The following SYNDIG1 variants were observed in gnomAD, a reference collection of about 807,000 sequenced individuals.
The protein encoded by SYNDIG1 is synapse differentiation-inducing gene protein 1.
Under a neutral mutation model 19.4 loss-of-function variants are expected in SYNDIG1, and 9 were observed. That is an observed-to-expected ratio of 0.46 (90% CI 0.28 to 0.81). The LOEUF (loss-of-function observed/expected upper bound fraction) is 0.81, where lower values mean the gene tolerates loss of function less well. SYNDIG1 is among the 30% of genes least tolerant of loss of function. The probability of loss-of-function intolerance (pLI) is 0.12; values close to 1 mark genes in which losing one functional copy is unlikely to be tolerated. For missense variants in SYNDIG1, 311 were observed against 343.3 expected (o/e 0.91, Z 0.74); for synonymous variants, 141 against 145.9 (o/e 0.97, Z 0.24).
chr20:24,486,886 T>A (rs190185243), intron 1 of SYNDIG1, among the ~76,000 whole-genome samples: 126 of 152,208 alleles, frequency 8.3e-4, no homozygotes, highest in Non-Finnish European at 1.5e-3. Context: ...CTCGATCTCC[T>A]GACCTCGTGA....
chr20:24,593,471 C>A (rs1447755687), intron 3 of SYNDIG1, among the ~76,000 whole-genome samples: 1 of 124,024 alleles, frequency 8.1e-6, no homozygotes, highest in East Asian at 2.1e-4. Flanking sequence ...TGGTTCCATG[C>A]TATTGGGAAT....
At chr20:24,534,263 G>A (rs1002128014) in intron 1 of SYNDIG1, among the ~76,000 whole-genome samples, 6 of 152,086 alleles carry the variant, frequency 3.9e-5, no homozygotes, top group African/African-American at 1.2e-4. Flanking sequence ...TCCCTAATCC[G>A]AGGGCCTAAG....
chr20:24,623,908 TATTA>T (rs2059078370), intron 3 of SYNDIG1, among the ~76,000 whole-genome samples: 1 of 152,168 alleles, frequency 6.6e-6, no homozygotes, highest in Non-Finnish European at 1.5e-5. Flanking sequence ...AATCTGACTG[TATTA>T]ATTATCAGTT....
chr20:24,643,936 A>G (rs1247581827), intron 3 of SYNDIG1, among the ~76,000 whole-genome samples: 1 of 152,266 alleles, frequency 6.6e-6, no homozygotes, highest in Non-Finnish European at 1.5e-5. Context: ...ATAGAAAAAC[A>G]GACACATCAT....
At chr20:24,638,004 A>G (rs2059333053) in intron 3 of SYNDIG1, among the ~76,000 whole-genome samples, 2 of 152,262 alleles carry the variant, frequency 1.3e-5, no homozygotes, top group South Asian at 2.1e-4. Flanking sequence ...CCAAGCTGGG[A>G]CTAACATCCA....
intron 2 of SYNDIG1, among the ~76,000 whole-genome samples, chr20:24,543,922 CCTG>C (rs935449932): frequency 6.6e-5 from 10 of 152,132 alleles, no homozygotes; most frequent in African/African-American, 2.2e-4. Context: ...GAGAGGGACA[CCTG>C]ATCCTAGAGC....
intron 1 of SYNDIG1, among the ~76,000 whole-genome samples, chr20:24,511,102 C>A (rs551956918): frequency 6.6e-6 from 1 of 152,188 alleles, no homozygotes; most frequent in African/African-American, 2.4e-5. Context: ...TTAAAAGAGA[C>A]TTACTTTATC....
intron 2 of SYNDIG1, among the ~76,000 whole-genome samples, chr20:24,572,328 C>T (rs2058157015): frequency 6.6e-6 from 1 of 152,176 alleles, no homozygotes; most frequent in South Asian, 2.1e-4. Flanking sequence ...GGGATGTGGC[C>T]AGGGGGCCAG....
intron 2 of SYNDIG1, among the ~76,000 whole-genome samples, chr20:24,558,926 T>C (rs1011408194): frequency 4.6e-5 from 7 of 152,142 alleles, no homozygotes; most frequent in Non-Finnish European, 8.8e-5. Flanking sequence ...CTTTTAAAAA[T>C]TATAACAAGG....
At chr20:24,640,314 AAAG>A (rs1000923071) in intron 3 of SYNDIG1, among the ~76,000 whole-genome samples, 1 of 151,582 alleles carries the variant, frequency 6.6e-6, no homozygotes, top group African/African-American at 2.4e-5. Context: ...GTGAGAAAAA[AAAG>A]AAGGAAAGAA....
chr20:24,482,484 G>A (rs902025661), intron 1 of SYNDIG1, among the ~76,000 whole-genome samples: 2 of 152,232 alleles, frequency 1.3e-5, no homozygotes, highest in African/African-American at 4.8e-5. Context: ...ACCTGAGGCA[G>A]CCTTTGGGAT....
At chr20:24,562,750 C>T (rs1423461886) in intron 2 of SYNDIG1, among the ~76,000 whole-genome samples, 2 of 152,204 alleles carry the variant, frequency 1.3e-5, no homozygotes, top group Non-Finnish European at 2.9e-5. Flanking sequence ...ATGTGGCTTC[C>T]ATGCCACTAT....
intron 1 of SYNDIG1, among the ~76,000 whole-genome samples, chr20:24,469,980 G>C (rs1157301843): frequency 1.3e-5 from 2 of 152,210 alleles, no homozygotes; most frequent in Non-Finnish European, 2.9e-5. Flanking sequence ...TCGCAGGGCG[G>C]GAGGGGGAGC....
intron 1 of SYNDIG1, among the ~76,000 whole-genome samples, chr20:24,486,313 C>T (rs2055955777): frequency 6.6e-6 from 1 of 152,152 alleles, no homozygotes; most frequent in African/African-American, 2.4e-5. Flanking sequence ...AGGTGGAGGC[C>T]CTGGGCTGAT....
intron 3 of SYNDIG1, among the ~76,000 whole-genome samples, chr20:24,627,156 C>CGAGAGT (rs2059160851): frequency 2.2e-5 from 3 of 134,700 alleles, no homozygotes; most frequent in African/African-American, 8.9e-5. Context: ...AGAGGGAGAG[C>CGAGAGT]GAGAGCGAGA....
At chr20:24,642,655 C>G (rs539992465) in intron 3 of SYNDIG1, among the ~76,000 whole-genome samples, 2 of 152,170 alleles carry the variant, frequency 1.3e-5, no homozygotes, top group African/African-American at 4.8e-5. Flanking sequence ...TGCTTTGACC[C>G]TTGGGAGCTC....
At chr20:24,488,535 T>A (rs1030930204) in intron 1 of SYNDIG1, among the ~76,000 whole-genome samples, 1 of 152,222 alleles carries the variant, frequency 6.6e-6, no homozygotes, top group Non-Finnish European at 1.5e-5. Context: ...CAAGCCCTTC[T>A]GCAGGCTCCA....
intron 3 of SYNDIG1, among the ~76,000 whole-genome samples, chr20:24,650,546 T>C (rs2059460305): frequency 6.6e-6 from 1 of 152,194 alleles, no homozygotes; most frequent in Non-Finnish European, 1.5e-5. Flanking sequence ...TTAAAAAAGA[T>C]TCAACCTTGT....
chr20:24,501,366 C>T (rs920097805), intron 1 of SYNDIG1, among the ~76,000 whole-genome samples: 1 of 152,200 alleles, frequency 6.6e-6, no homozygotes, highest in Admixed American at 6.5e-5. Flanking sequence ...GAAGATAGCA[C>T]GTGTGAGGTG....
Sources: allele counts gnomAD v4.1 joint callset (sites outside exome capture counted in the v4.1 genomes callset), GRCh38; gene constraint gnomAD v4.1.1; transcripts MANE v1.5; gene names NCBI Gene and HGNC (gene_info 2026-07-23, HGNC 2026-07-21).